SLC39A8: variants seen among roughly 807,000 people sequenced by gnomAD.
SLC39A8 encodes solute carrier family 39 member 8.
Under a neutral mutation model 40.4 loss-of-function variants are expected in SLC39A8, and 15 were observed. That is an observed-to-expected ratio of 0.37 (90% CI 0.25 to 0.57). SLC39A8 has a LOEUF of 0.57. Among genes scored for constraint, SLC39A8 ranks in the 20% least tolerant of loss-of-function variants. SLC39A8 has a pLI of 0.75. For synonymous variants in SLC39A8, 223 were observed against 221.6 expected (o/e 1.01, Z -0.06); for missense variants, 472 against 558.8 (o/e 0.84, Z 1.57).
chr4:102,334,381 C>A (rs892400621), intron 2 of SLC39A8, among the ~76,000 whole-genome samples: 11 of 152,130 alleles, frequency 7.2e-5, no homozygotes, highest in African/African-American at 2.7e-4. Flanking sequence ...ACTGATATGT[C>A]CCAATTTTCT....
At chr4:102,267,443 T>C (rs1732151266) in intron 8 of SLC39A8, 47 bp downstream of exon 8, 2 of 1,516,556 alleles carry the variant, frequency 1.3e-6, no homozygotes, top group Admixed American at 2.2e-5. Context: ...CAGATACTCA[T>C]TTCCAAATTT....
chr4:102,255,630 A>G (rs1731690884), intron 11 of SLC39A8, among the ~76,000 whole-genome samples: 1 of 152,196 alleles, frequency 6.6e-6, no homozygotes, highest in Non-Finnish European at 1.5e-5. Context: ...GGTTAAGTGC[A>G]TTGGTTGACA....
intron 3 of SLC39A8, among the ~76,000 whole-genome samples, chr4:102,315,279 T>C (rs1055198682): frequency 1.3e-5 from 2 of 152,110 alleles, no homozygotes; most frequent in African/African-American, 2.4e-5. Flanking sequence ...TATCTCTTCA[T>C]TGGTAACTGC....
In SLC39A8 at chr4:102,330,531, T is replaced by C. The variant is rs560507918; in HGVS notation, c.219+13913A>G. Among the ~76,000 whole-genome samples the C allele has an allele frequency of 3.8e-3, 571 of 152,246 alleles. 2 individuals carry two copies. The highest frequency in any genetic ancestry group is 0.013 in the African/African-American group (533 of 41,544). On this transcript the variant is annotated intron_variant, in intron 2 of 8. Coordinates refer to ENST00000356736, the MANE Select transcript of SLC39A8 (RefSeq NM_001135146.2). Reference sequence around the variant, plus strand: ...GTTCTGAAATGGAGGCAGTAATTAATAGCCTACCAATCAAAAAAAGTCCAG... The same window carrying C: ...GTTCTGAAATGGAGGCAGTAATTAACAGCCTACCAATCAAAAAAAGTCCAG...
chr4:102,336,946 C>G (rs1735692355), intron 2 of SLC39A8, among the ~76,000 whole-genome samples: 1 of 152,052 alleles, frequency 6.6e-6, no homozygotes, highest in South Asian at 2.1e-4. Flanking sequence ...TTTAGATAGC[C>G]TAGAGTTTAG....
At chr4:102,255,318 C>T (rs1247192048) in intron 11 of SLC39A8, among the ~76,000 whole-genome samples, 1 of 152,174 alleles carries the variant, frequency 6.6e-6, no homozygotes, top group African/African-American at 2.4e-5. Flanking sequence ...ACTAGAATAA[C>T]TTGGGTAACT....
chr4:102,344,020 C>T (rs4146610), intron 2 of SLC39A8, among the ~76,000 whole-genome samples: 20,005 of 152,138 alleles, frequency 0.13, 1,578 homozygotes, highest in South Asian at 0.28. Flanking sequence ...CACCGGGCAA[C>T]TGTTAACCAG....
chr4:102,320,353 A>T (rs867142534), intron 2 of SLC39A8, among the ~76,000 whole-genome samples: 2 of 125,696 alleles, frequency 1.6e-5, no homozygotes, highest in African/African-American at 6.1e-5. Flanking sequence ...TATATATGAG[A>T]ATATATATAT....
chr4:102,331,277 A>G (rs1464131735), intron 2 of SLC39A8, among the ~76,000 whole-genome samples: 1 of 152,198 alleles, frequency 6.6e-6, no homozygotes, highest in Non-Finnish European at 1.5e-5. Context: ...AGAAAACCCC[A>G]TCGTCTCAGC....
chr4:102,328,959 C>T (rs529441046), intron 2 of SLC39A8, among the ~76,000 whole-genome samples: 19 of 149,376 alleles, frequency 1.3e-4, no homozygotes, highest in East Asian at 9.9e-4. Flanking sequence ...ACCCGGGAGG[C>T]GGAGCTTGCA....
intron 2 of SLC39A8, among the ~76,000 whole-genome samples, chr4:102,330,206 C>A (rs1250271331): frequency 6.6e-6 from 1 of 152,062 alleles, no homozygotes; most frequent in Non-Finnish European, 1.5e-5. Flanking sequence ...CACAAAAAAA[C>A]CCTTCAAAAA....
intron 3 of SLC39A8, among the ~76,000 whole-genome samples, chr4:102,310,903 T>G (rs2149037588): frequency 6.6e-6 from 1 of 152,270 alleles, no homozygotes; most frequent in East Asian, 1.9e-4. Context: ...CTGTCCACTG[T>G]GTAAGATTCT....
Position 102,267,559 on chromosome 4 carries a change from G to A in SLC39A8, c.1164C>T (p.Asn388=), listed in dbSNP as rs1199300798. 1.2e-6 allele frequency: 2 copies of A among 1,613,954 alleles called. No homozygotes were observed. Among genetic ancestry groups the A allele is most frequent in the South Asian group, 2.2e-5 (2 of 91,028 alleles). The change falls in exon 8 of 9, where the codon AAC becomes AAT. Residue 388 remains asparagine (N), a synonymous_variant. Coordinates refer to ENST00000356736, the MANE Select transcript of SLC39A8 (RefSeq NM_001135146.2). ...VGLAFGILVG[N]NFAPNIIFAL... ...CAAATATAATATTTGGAGCGAAATTGTTGCCCACCAAAATGCCAAAAGCTA... is the reference window on the plus strand; with the variant it reads ...CAAATATAATATTTGGAGCGAAATTATTGCCCACCAAAATGCCAAAAGCTA...
At chr4:102,266,233 T>C (rs1372411410) in intron 8 of SLC39A8, among the ~76,000 whole-genome samples, 1 of 152,052 alleles carries the variant, frequency 6.6e-6, no homozygotes, top group Admixed American at 6.6e-5. Flanking sequence ...GAGTATTATT[T>C]CTTAGTATTA....
intron 6 of SLC39A8, among the ~76,000 whole-genome samples, chr4:102,279,192 C>G (rs1406844263): frequency 6.6e-6 from 1 of 151,850 alleles, no homozygotes; most frequent in African/African-American, 2.4e-5. Flanking sequence ...AAACCTTGGA[C>G]TTGATGAGTT....
intron 6 of SLC39A8, among the ~76,000 whole-genome samples, chr4:102,274,738 A>G (rs1426184835): frequency 6.6e-6 from 1 of 152,204 alleles, no homozygotes; most frequent in African/African-American, 2.4e-5. Flanking sequence ...AGCCCATCAG[A>G]CTAACAGCGG....
intron 2 of SLC39A8, among the ~76,000 whole-genome samples, chr4:102,316,772 T>G (rs918601533): frequency 6.6e-6 from 1 of 152,118 alleles, no homozygotes; most frequent in Non-Finnish European, 1.5e-5. Context: ...TCTCCCCAGA[T>G]TCACATGTTG....
chr4:102,336,233 C>G (rs1344925367), intron 2 of SLC39A8, among the ~76,000 whole-genome samples: 1 of 152,180 alleles, frequency 6.6e-6, no homozygotes, highest in Non-Finnish European at 1.5e-5. Context: ...GTCCAAAAAA[C>G]TGTCCTATGA....
chr4:102,312,573 A>C (rs1212081272), intron 3 of SLC39A8, among the ~76,000 whole-genome samples: 11 of 152,120 alleles, frequency 7.2e-5, no homozygotes, highest in Non-Finnish European at 2.9e-5. Context: ...TGGGGTTAAA[A>C]AATTACTTTT....
Sources: gnomAD v4.1 joint callset for allele counts (sites outside exome capture counted in the v4.1 genomes callset) on GRCh38, gnomAD v4.1.1 for gene constraint, MANE v1.5 for transcripts, NCBI Gene and HGNC (gene_info 2026-07-23, HGNC 2026-07-21) for gene names.